DNER: variants seen among roughly 807,000 people sequenced by gnomAD.
DNER encodes the protein delta and Notch-like epidermal growth factor-related receptor.
DNER carries 33 observed loss-of-function variants against 78.2 expected under a neutral mutation model. The ratio of observed to expected loss-of-function variants is 0.42; its 90% CI spans 0.32 to 0.56. The LOEUF (loss-of-function observed/expected upper bound fraction) is 0.56. DNER is among the 20% of genes least tolerant of loss of function. The pLI, the probability that DNER is intolerant of heterozygous loss-of-function variation, is 0.11. For missense variants in DNER, 918 were observed against 975.3 expected, an observed-to-expected ratio of 0.94 and a Z score of 0.78; for synonymous variants, 417 against 384.8, an observed-to-expected ratio of 1.08 and a Z score of -0.98.
At chr2:229,534,150 A>G (rs1160150087) in intron 5 of DNER, among the ~76,000 whole-genome samples, 2 of 152,236 alleles carry the variant, frequency 1.3e-5, no homozygotes, top group African/African-American at 4.8e-5. Context: ...ATTGTAATGA[A>G]ACAGACCAAT....
intron 8 of DNER, among the ~76,000 whole-genome samples, chr2:229,446,478 A>G (rs1694344520): frequency 1.3e-5 from 2 of 152,234 alleles, no homozygotes. Context: ...CCATTGCACC[A>G]GCAAAGCCAG....
intron 6 of DNER, among the ~76,000 whole-genome samples, chr2:229,511,612 A>G (rs1275902921): frequency 6.6e-6 from 1 of 152,196 alleles, no homozygotes; most frequent in Admixed American, 6.5e-5. Flanking sequence ...ACATACATGA[A>G]CAAAAGGAAA....
chr2:229,415,841 A>G (rs12694812), intron 9 of DNER, among the ~76,000 whole-genome samples: 43,305 of 152,074 alleles, frequency 0.28, 6,443 homozygotes, highest in South Asian at 0.37. Context: ...TTACCTCATG[A>G]TAGAGAGGGG....
intron 7 of DNER, among the ~76,000 whole-genome samples, chr2:229,462,434 G>C (rs181003644): frequency 9.9e-5 from 15 of 152,058 alleles, no homozygotes; most frequent in Admixed American, 5.2e-4. Flanking sequence ...AATGGCTCCA[G>C]TCAGAAACCT....
rs574854741 is a variant in DNER, at chr2:229,702,684, G to A, written c.276+11464C>T. On this transcript the variant is annotated intron_variant, in intron 1 of 12. Transcript: ENST00000341772. Reference sequence around the variant, plus strand: ...TGTAATCCCAGCACTTTGGGAGGCCGAGGCAGGCGGATCACGAGGTCAGGA... The same window carrying A: ...TGTAATCCCAGCACTTTGGGAGGCCAAGGCAGGCGGATCACGAGGTCAGGA... Among the ~76,000 whole-genome samples the A allele has an allele frequency of 1.7e-4, 26 of 152,164 alleles. 1 individual carries two copies. Among genetic ancestry groups the A allele is most frequent in the East Asian group, 1.6e-3 (8 of 5,154 alleles).
At chr2:229,644,539 G>C (rs914257407) in intron 1 of DNER, among the ~76,000 whole-genome samples, 2 of 151,956 alleles carry the variant, frequency 1.3e-5, no homozygotes, top group South Asian at 2.1e-4. Context: ...TAGAGATGGG[G>C]TTTTGCCATG....
chr2:229,609,485 A>G (rs1698004694), intron 1 of DNER, among the ~76,000 whole-genome samples: 1 of 152,218 alleles, frequency 6.6e-6, no homozygotes, highest in South Asian at 2.1e-4. Context: ...CTTTATTGAA[A>G]CACAACCACA....
intron 5 of DNER, among the ~76,000 whole-genome samples, chr2:229,532,422 C>T (rs1310515502): frequency 2.6e-5 from 4 of 152,096 alleles, no homozygotes; most frequent in South Asian, 2.1e-4. Flanking sequence ...TTCTTTTGAC[C>T]GAATTTCCCA....
chr2:229,533,476 A>C (rs1447490629), intron 5 of DNER, among the ~76,000 whole-genome samples: 1 of 152,174 alleles, frequency 6.6e-6, no homozygotes, highest in Non-Finnish European at 1.5e-5. Context: ...AGAGGGGAAA[A>C]AAATGTCAAT....
At chr2:229,606,833 C>T (rs370410886) in intron 1 of DNER, among the ~76,000 whole-genome samples, 2 of 152,128 alleles carry the variant, frequency 1.3e-5, no homozygotes, top group African/African-American at 2.4e-5. Context: ...GCGGAGGTTG[C>T]GGTGAGCTGA....
intron 8 of DNER, among the ~76,000 whole-genome samples, chr2:229,426,395 T>A (rs1005521795): frequency 7.1e-6 from 1 of 139,930 alleles, no homozygotes; most frequent in Non-Finnish European, 1.5e-5. Context: ...GAGCCAAGAT[T>A]GCGCCACTGC....
intron 1 of DNER, among the ~76,000 whole-genome samples, chr2:229,630,407 C>T (rs1276524682): frequency 6.6e-6 from 1 of 151,612 alleles, no homozygotes; most frequent in Non-Finnish European, 1.5e-5. Flanking sequence ...ACCCGGAAGG[C>T]AGAGGTTGCA....
intron 9 of DNER, among the ~76,000 whole-genome samples, chr2:229,414,277 A>C (rs1396797279): frequency 6.6e-6 from 1 of 152,136 alleles, no homozygotes; most frequent in East Asian, 1.9e-4. Flanking sequence ...AAAATTAAAT[A>C]AACACTTTAT....
chr2:229,569,389 G>A (rs773128185), intron 4 of DNER, among the ~76,000 whole-genome samples: 10 of 152,134 alleles, frequency 6.6e-5, no homozygotes, highest in Non-Finnish European at 1.3e-4. Context: ...GGGCATGATG[G>A]CTCACGCCTG....
chr2:229,400,760 G>T (rs1159560978), intron 10 of DNER, among the ~76,000 whole-genome samples: 1 of 152,038 alleles, frequency 6.6e-6, no homozygotes, highest in East Asian at 1.9e-4. Flanking sequence ...AATAATTCAT[G>T]TAGCTACTTT....
intron 8 of DNER, among the ~76,000 whole-genome samples, chr2:229,423,686 C>A (rs1020542587): frequency 2.0e-5 from 3 of 151,054 alleles, no homozygotes; most frequent in Non-Finnish European, 4.4e-5. Context: ...GAAGATTGTA[C>A]CAAGAATTAT....
In DNER at chr2:229,441,980, C is replaced by T. The variant is rs1387809510; in HGVS notation, c.1486+5336G>A. ...ATACAGATTTAAACATTCTCTAAAGCAGAGCACAGATTATGAAGAGTAAAG... is the reference window on the plus strand; with the variant it reads ...ATACAGATTTAAACATTCTCTAAAGTAGAGCACAGATTATGAAGAGTAAAG... On this transcript the variant is annotated intron_variant, in intron 8 of 12. Coordinates refer to ENST00000341772, the MANE Select transcript of DNER (RefSeq NM_139072.4). Among the ~76,000 whole-genome samples, 3 of 152,100 alleles carry T rather than the reference C, an allele frequency of 2.0e-5. No individual in the cohort carries two copies. The East Asian group carries it at 5.8e-4, about 29-fold the overall frequency.
At chr2:229,498,271 T>C (rs190303052) in intron 6 of DNER, among the ~76,000 whole-genome samples, 1 of 152,240 alleles carries the variant, frequency 6.6e-6, no homozygotes, top group East Asian at 1.9e-4. Context: ...ATAGAAGGAA[T>C]GTAGCTCAAC....
chr2:229,397,151 T>G (rs1693163390), intron 10 of DNER, among the ~76,000 whole-genome samples: 1 of 152,066 alleles, frequency 6.6e-6, no homozygotes, highest in South Asian at 2.1e-4. Flanking sequence ...TCCCACCAAG[T>G]ACAAGTAAAA....
Sources: gnomAD v4.1 joint callset for allele counts (sites outside exome capture counted in the v4.1 genomes callset) on GRCh38, gnomAD v4.1.1 for gene constraint, MANE v1.5 for transcripts, NCBI Gene and HGNC (gene_info 2026-07-23, HGNC 2026-07-21) for gene names.